The following MYZAP variants were observed in gnomAD, a reference collection of about 807,000 sequenced individuals.
MYZAP encodes myocardial zonula adherens protein.
Under a neutral mutation model 69.4 loss-of-function variants are expected in MYZAP, and 66 were observed. That is an observed-to-expected ratio of 0.95 (90% CI 0.78 to 1.17). The LOEUF is 1.17. MYZAP is among the 50% of genes most tolerant of loss of function. The probability of loss-of-function intolerance (pLI) is 0.00; values close to 1 mark genes in which losing one functional copy is unlikely to be tolerated. For synonymous variants in MYZAP, 256 were observed against 205.9 expected, an observed-to-expected ratio of 1.24 and a Z score of -2.09; for missense variants, 611 against 556.2, an observed-to-expected ratio of 1.10 and a Z score of -0.99.
intron 1 of MYZAP, among the ~76,000 whole-genome samples, chr15:57,593,188 G>GCATGCGCGCGCGCGCGCGCACTCACACA: frequency 6.1e-5 from 7 of 114,150 alleles, no homozygotes; most frequent in African/African-American, 2.0e-4. Flanking sequence ...GTACACAGGC[G>GCATGCGCGCGCGCGCGCGCACTCACACA]CACACACACA....
intron 1 of MYZAP, among the ~76,000 whole-genome samples, chr15:57,604,057 G>C (rs1170545387): frequency 6.6e-6 from 1 of 152,166 alleles, no homozygotes. Context: ...TTCCTTCCTT[G>C]AGCCCCAGGG....
intron 1 of MYZAP, among the ~76,000 whole-genome samples, chr15:57,602,563 G>A (rs796582133): frequency 2.8e-4 from 42 of 152,252 alleles, no homozygotes; most frequent in African/African-American, 9.9e-4. Flanking sequence ...CCAGGAAGGC[G>A]GTCAGGACTT....
At chr15:57,671,774 G>A (rs2038879866) in intron 11 of MYZAP, among the ~76,000 whole-genome samples, 1 of 151,490 alleles carries the variant, frequency 6.6e-6, no homozygotes, top group African/African-American at 2.4e-5. Flanking sequence ...TTCATTAATT[G>A]TAAGCATATT....
At position 57,618,202 on chromosome 15, in the gene MYZAP, G is replaced by GAT. The variant is rs1262910896; in HGVS notation, c.318+15_318+16insTA. On this transcript the variant is annotated intron_variant, in intron 3 of 12. Coordinates refer to ENST00000267853, the MANE Select transcript of MYZAP (RefSeq NM_001018100.5). ...TACATCAAAGATGTGAGCCATTTAA[G>GAT]AGTTTTTGCCCCCCACCTGTATTCT... 1.2e-5 allele frequency: 19 copies of GAT among 1,611,908 alleles called. No homozygotes were observed. Among genetic ancestry groups the GAT allele is most frequent in the Non-Finnish European group, 1.6e-5 (19 of 1,179,068 alleles).
At chr15:57,670,437 T>C (rs955111263) in intron 11 of MYZAP, among the ~76,000 whole-genome samples, 1 of 152,068 alleles carries the variant, frequency 6.6e-6, no homozygotes, top group Non-Finnish European at 1.5e-5. Context: ...TTACGTGCTA[T>C]ATATTATTCC....
At chr15:57,642,522 T>G (rs1398722540) in intron 10 of MYZAP, among the ~76,000 whole-genome samples, 1 of 152,216 alleles carries the variant, frequency 6.6e-6, no homozygotes. Context: ...GGACCCTTTT[T>G]CTTCCCTCAC....
At chr15:57,631,977 C>G (rs1253404436) in intron 6 of MYZAP, among the ~76,000 whole-genome samples, 1 of 152,184 alleles carries the variant, frequency 6.6e-6, no homozygotes, top group African/African-American at 2.4e-5. Flanking sequence ...TAAGCCAGGC[C>G]TGCTTCAGTA....
chr15:57,680,503 A>ACG (rs1368485384), intron 12 of MYZAP, among the ~76,000 whole-genome samples: 8 of 150,642 alleles, frequency 5.3e-5, no homozygotes, highest in African/African-American at 2.0e-4. Context: ...ACACACACAC[A>ACG]CACACACACA....
At position 57,621,639 on chromosome 15, in the gene MYZAP, G is replaced by T. The variant is rs770449271; in HGVS notation, c.350G>T (p.Arg117Leu). Residue 117 changes from arginine to leucine, a missense_variant, in exon 4 of 13, where the codon CGA (arginine) becomes CTA (leucine). By Grantham distance (102) the Arg-to-Leu change is moderately radical (BLOSUM62 -2). Transcript: ENST00000267853. ...VRATLEKVRK[R>L]MYGDYDEMRQ... is the part of the protein sequence containing the mutation. Reference sequence around the variant, plus strand: ...GCCACTTTGGAAAAGGTGAGAAAGCGAATGTATGGAGACTATGATGAGATG... The same window carrying T: ...GCCACTTTGGAAAAGGTGAGAAAGCTAATGTATGGAGACTATGATGAGATG... The T allele has an allele frequency of 6.2e-7, 1 of 1,613,862 alleles. No homozygotes were observed. Among genetic ancestry groups the T allele is most frequent in the South Asian group, 1.1e-5 (1 of 91,066 alleles).
At chr15:57,650,836 C>G (rs1391374038) in intron 10 of MYZAP, among the ~76,000 whole-genome samples, 1 of 152,104 alleles carries the variant, frequency 6.6e-6, no homozygotes, top group Non-Finnish European at 1.5e-5. Context: ...TAAATAAAAG[C>G]AAAAACATGC....
At chr15:57,649,252 G>A in intron 10 of MYZAP, among the ~76,000 whole-genome samples, 1 of 152,170 alleles carries the variant, frequency 6.6e-6, no homozygotes, top group East Asian at 1.9e-4. Flanking sequence ...CATGGGATTG[G>A]CATAATTTCA....
chr15:57,671,933 A>G (rs1236678066), intron 11 of MYZAP, among the ~76,000 whole-genome samples: 1 of 152,150 alleles, frequency 6.6e-6, no homozygotes, highest in East Asian at 1.9e-4. Context: ...TATATGTCAC[A>G]TAATTTTGGA....
At chr15:57,678,188 CCT>C (rs1434900001) in intron 12 of MYZAP, among the ~76,000 whole-genome samples, 1 of 152,036 alleles carries the variant, frequency 6.6e-6, no homozygotes, top group Non-Finnish European at 1.5e-5. Context: ...TTGATGAAAC[CCT>C]GTCTCTACTA....
At chr15:57,646,956 G>A (rs1480294118) in intron 10 of MYZAP, 1 of 985,308 alleles carries the variant, frequency 1.0e-6, no homozygotes, top group African/African-American at 1.7e-5. Context: ...TGTTTTATCA[G>A]AACATGGCAG....
chr15:57,661,612 A>G (rs1402768349), intron 11 of MYZAP, 79 bp downstream of exon 11: 6 of 1,217,936 alleles, frequency 4.9e-6, no homozygotes, highest in Admixed American at 2.6e-5. Context: ...CCGACACTTA[A>G]TTAAAAATAT....
intron 8 of MYZAP, 125 bp from the exon 9 acceptor site, chr15:57,637,570 G>T: frequency 1.1e-6 from 1 of 921,408 alleles, no homozygotes; most frequent in Non-Finnish European, 1.6e-6. Context: ...GCTTTGCTGA[G>T]CAGGTGTGTA....
At chr15:57,675,129 C>G (rs1407965649) in intron 12 of MYZAP, 61 bp downstream of exon 12, 13 of 1,396,038 alleles carry the variant, frequency 9.3e-6, no homozygotes, top group Non-Finnish European at 8.0e-6. Flanking sequence ...GAAGAAAATA[C>G]TTTACTAGGC....
In MYZAP at chr15:57,633,727, G is replaced by C; in HGVS notation, c.919G>C (p.Glu307Gln). ...GATCGGGGAGCTGGACAGGCTGATT[G>C]AGCGCATGGAAAAGGTAGGACACAG... ...QRIGELDRLI[E>Q]RMEKERHQLQ... The change falls in exon 8 of 13, where the codon GAG becomes CAG. Residue 307 changes from glutamate to glutamine, a missense_variant. Physicochemically the swap from Glu to Gln is conservative, Grantham distance 29 (BLOSUM62 2). Transcript: ENST00000267853. The C allele has an allele frequency of 1.9e-6, 3 of 1,608,092 alleles. No homozygotes were observed. Among genetic ancestry groups the C allele is most frequent in the Non-Finnish European group, 2.5e-6 (3 of 1,177,358 alleles).
chr15:57,646,356 C>T, intron 10 of MYZAP: 3 of 1,180,644 alleles, frequency 2.5e-6, no homozygotes, highest in Non-Finnish European at 3.2e-6. Context: ...ATGTGGGGCT[C>T]TTGTTTGTGA....
Sources: gnomAD v4.1 joint callset for allele counts (sites outside exome capture counted in the v4.1 genomes callset) on GRCh38, gnomAD v4.1.1 for gene constraint, MANE v1.5 for transcripts, NCBI Gene and HGNC (gene_info 2026-07-23, HGNC 2026-07-21) for gene names.